Variants in VCF1 observed in about 807,000 individuals in gnomAD.
VCF1 encodes the protein VCP nuclear cofactor family member 1.
At chr17:73,222,921 T>C in the VCF1 span, among the ~76,000 whole-genome samples, 1 of 152,264 alleles carries the variant, frequency 6.6e-6, no homozygotes, top group East Asian at 1.9e-4. Flanking sequence ...AACCACACCC[T>C]GGGGCTCCGT....
At chr17:73,225,149 A>G in the VCF1 span, among the ~76,000 whole-genome samples, 1 of 152,214 alleles carries the variant, frequency 6.6e-6, no homozygotes, top group Non-Finnish European at 1.5e-5. Flanking sequence ...AACTACCAGT[A>G]ATGACCTTAA....
the VCF1 span, among the ~76,000 whole-genome samples, chr17:73,217,632 G>A: frequency 3.3e-5 from 5 of 151,380 alleles, no homozygotes; most frequent in East Asian, 9.9e-4. Context: ...CCTGGCGACA[G>A]AGTGAGACTC....
At chr17:73,221,806 C>A in the VCF1 span, among the ~76,000 whole-genome samples, 1 of 152,008 alleles carries the variant, frequency 6.6e-6, no homozygotes, top group African/African-American at 2.4e-5. Context: ...GAGGCCGAGG[C>A]GGGCGGATCA....
the VCF1 span, among the ~76,000 whole-genome samples, chr17:73,216,120 G>A: frequency 6.6e-6 from 1 of 152,232 alleles, no homozygotes; most frequent in South Asian, 2.1e-4. Context: ...GAATCTGTGG[G>A]AGATGAATGA....
the VCF1 span, among the ~76,000 whole-genome samples, chr17:73,216,334 G>A: frequency 1.3e-5 from 2 of 152,218 alleles, no homozygotes; most frequent in Non-Finnish European, 2.9e-5. Context: ...AGGTGTTTGG[G>A]AACTGTTTGC....
the VCF1 span, chr17:73,207,818 TTTA>T: frequency 1.3e-5 from 17 of 1,282,562 alleles, no homozygotes; most frequent in Non-Finnish European, 1.7e-5. Context: ...AGTTGTTTGC[TTTA>T]TTGTTAGACA....
the VCF1 span, among the ~76,000 whole-genome samples, chr17:73,218,160 A>AT: frequency 0.067 from 10,245 of 152,166 alleles, 688 homozygotes; most frequent in African/African-American, 0.17. Flanking sequence ...CTGCCACAGA[A>AT]TCTGGATTAA....
chr17:73,209,777 A>T, the VCF1 span: 8 of 1,539,284 alleles, frequency 5.2e-6, no homozygotes, highest in Non-Finnish European at 6.1e-6. Flanking sequence ...GACTGGAAGG[A>T]AGAAGAAAGA....
chr17:73,211,784 C>T, the VCF1 span, among the ~76,000 whole-genome samples: 4 of 150,408 alleles, frequency 2.7e-5, no homozygotes, highest in African/African-American at 7.4e-5. Flanking sequence ...CGCTTGAACC[C>T]GGGAGGTGAA....
At chr17:73,229,513 A>G in the VCF1 span, 71 of 985,216 alleles carry the variant, frequency 7.2e-5, no homozygotes, top group Non-Finnish European at 8.3e-5. Flanking sequence ...ATCACGTTGC[A>G]TTATTTCATT....
chr17:73,223,266 G>A, the VCF1 span, among the ~76,000 whole-genome samples: 80 of 152,276 alleles, frequency 5.3e-4, no homozygotes, highest in Admixed American at 3.5e-3. Flanking sequence ...ATGGCAAGCC[G>A]AGATTGCGCC....
chr17:73,207,963 A>C, the VCF1 span: 1 of 1,236,690 alleles, frequency 8.1e-7, no homozygotes, highest in South Asian at 1.6e-5. Context: ...TGCAAAAACC[A>C]TCCAGTCCCT....
At chr17:73,208,573 C>A in the VCF1 span, 5 of 1,219,312 alleles carry the variant, frequency 4.1e-6, no homozygotes, top group African/African-American at 7.4e-5. Flanking sequence ...GAATGTGGCC[C>A]CCTAGTTACT....
the VCF1 span, chr17:73,229,590 G>T: frequency 1.0e-6 from 1 of 985,208 alleles, no homozygotes. Context: ...TATGGGCTGG[G>T]CACGGTGACT....
At chr17:73,208,318 TC>T in the VCF1 span, 2 of 1,613,420 alleles carry the variant, frequency 1.2e-6, no homozygotes, top group Non-Finnish European at 1.7e-6. Context: ...TGGCAGGTTG[TC>T]CCCCCGGCAC....
the VCF1 span, chr17:73,208,297 T>C: frequency 6.2e-7 from 1 of 1,612,876 alleles, no homozygotes; most frequent in Non-Finnish European, 8.5e-7. Context: ...GGCACTTTTC[T>C]CTACATCCAA....
At chr17:73,230,773 G>C in the VCF1 span, among the ~76,000 whole-genome samples, 5 of 152,244 alleles carry the variant, frequency 3.3e-5, no homozygotes, top group Admixed American at 3.3e-4. Flanking sequence ...GGCAGGAAAA[G>C]CCTGTCCAAA....
the VCF1 span, chr17:73,232,130 A>T: frequency 6.2e-7 from 1 of 1,609,892 alleles, no homozygotes; most frequent in Non-Finnish European, 8.5e-7. Context: ...GATGGAAGCT[A>T]CGCGGCGCCG....
the VCF1 span, among the ~76,000 whole-genome samples, chr17:73,221,620 G>A: frequency 1.3e-5 from 2 of 152,100 alleles, no homozygotes; most frequent in Non-Finnish European, 2.9e-5. Flanking sequence ...TGGGCATGGT[G>A]GCTCACACCT....
Sources: allele counts gnomAD v4.1 joint callset (sites outside exome capture counted in the v4.1 genomes callset), GRCh38; gene constraint gnomAD v4.1.1; transcripts MANE v1.5; gene names NCBI Gene and HGNC (gene_info 2026-07-23, HGNC 2026-07-21).